Variants in CALN1 observed in about 807,000 individuals in gnomAD.
CALN1 encodes the protein calcium-binding protein 8.
Under a neutral mutation model 30.6 loss-of-function variants are expected in CALN1, and 17 were observed. The ratio of observed to expected loss-of-function variants is 0.56; its 90% CI spans 0.38 to 0.83. The LOEUF (loss-of-function observed/expected upper bound fraction) is 0.83, where lower values mean the gene tolerates loss of function less well. Ranked by LOEUF, CALN1 falls within the 40% of genes least tolerant of loss-of-function variation. The pLI is 0.00. For synonymous variants in CALN1, 156 were observed against 131.4 expected (o/e 1.19, Z -1.28); for missense variants, 291 against 354.9 (o/e 0.82, Z 1.45).
chr7:72,292,354 C>G (rs1197187711), intron 2 of CALN1, among the ~76,000 whole-genome samples: 1 of 151,436 alleles, frequency 6.6e-6, no homozygotes, highest in African/African-American at 2.4e-5. Context: ...GCTCTGGTCT[C>G]TTTGTCCCCT....
intron 3 of CALN1, among the ~76,000 whole-genome samples, chr7:72,114,753 G>A (rs1807845461): frequency 6.6e-6 from 1 of 152,124 alleles, no homozygotes; most frequent in South Asian, 2.1e-4. Context: ...CCACACTTTG[G>A]GAAGCCGAGG....
the CALN1 span, among the ~76,000 whole-genome samples, chr7:72,453,348 C>G: frequency 6.6e-6 from 1 of 152,198 alleles, no homozygotes; most frequent in African/African-American, 2.4e-5. Context: ...CATATTTATA[C>G]GCACTTTTAA....
chr7:72,268,561 T>C (rs924206118), intron 3 of CALN1, among the ~76,000 whole-genome samples: 1 of 152,104 alleles, frequency 6.6e-6, no homozygotes, highest in African/African-American at 2.4e-5. Flanking sequence ...ATCCCAACAC[T>C]TTGGGAGGAT....
intron 5 of CALN1, among the ~76,000 whole-genome samples, chr7:71,905,000 G>C (rs554332638): frequency 2.6e-5 from 4 of 152,012 alleles, no homozygotes; most frequent in African/African-American, 9.7e-5. Flanking sequence ...GTGCAGTGGC[G>C]TGATCTCAGC....
chr7:71,971,674 G>T (rs943709212), intron 5 of CALN1, among the ~76,000 whole-genome samples: 2 of 151,402 alleles, frequency 1.3e-5, no homozygotes, highest in Non-Finnish European at 2.9e-5. Flanking sequence ...AACGCAGGGG[G>T]ATCACTTGAG....
At chr7:72,122,391 C>T (rs928258460) in intron 3 of CALN1, among the ~76,000 whole-genome samples, 1 of 152,094 alleles carries the variant, frequency 6.6e-6, no homozygotes, top group Non-Finnish European at 1.5e-5. Flanking sequence ...GAGCAACTCT[C>T]TCAGGCATGG....
At chr7:71,981,919 C>G (rs1798418858) in intron 5 of CALN1, among the ~76,000 whole-genome samples, 1 of 152,142 alleles carries the variant, frequency 6.6e-6, no homozygotes, top group South Asian at 2.1e-4. Context: ...AGGAAAAACA[C>G]AGCTGAAGAG....
intron 5 of CALN1, among the ~76,000 whole-genome samples, chr7:72,005,712 A>AT (rs1368156602): frequency 6.6e-6 from 1 of 151,864 alleles, no homozygotes; most frequent in African/African-American, 2.4e-5. Context: ...CCAAAATTAC[A>AT]TAGTATGTGA....
chr7:72,294,753 T>TAAATAAAC (rs1364949514), intron 2 of CALN1, among the ~76,000 whole-genome samples: 1 of 79,872 alleles, frequency 1.3e-5, no homozygotes, highest in East Asian at 2.0e-4. Context: ...AAAAAAGTAA[T>TAAATAAAC]AAATAAATAA....
At chr7:72,022,582 C>T (rs185147937) in intron 5 of CALN1, among the ~76,000 whole-genome samples, 20 of 152,068 alleles carry the variant, frequency 1.3e-4, no homozygotes, top group Admixed American at 4.6e-4. Context: ...TTTGCAGAGA[C>T]GGGATCTCGC....
chr7:72,127,920 A>C (rs1808879356), intron 3 of CALN1, among the ~76,000 whole-genome samples: 1 of 152,190 alleles, frequency 6.6e-6, no homozygotes. Flanking sequence ...AGACTGATGT[A>C]TTTTATAAAT....
At chr7:71,956,513 G>A (rs1175809077) in intron 5 of CALN1, among the ~76,000 whole-genome samples, 1 of 145,884 alleles carries the variant, frequency 6.9e-6, no homozygotes, top group East Asian at 2.0e-4. Flanking sequence ...TTTAAACAGA[G>A]GGAGGGTGTC....
chr7:72,476,939 C>T, the CALN1 span, among the ~76,000 whole-genome samples: 2 of 152,216 alleles, frequency 1.3e-5, no homozygotes, highest in South Asian at 2.1e-4. Context: ...CGCCAGGCGC[C>T]GTGGCTCACG....
chr7:72,266,310 A>G (rs1796592950), intron 3 of CALN1, among the ~76,000 whole-genome samples: 1 of 152,216 alleles, frequency 6.6e-6, no homozygotes, highest in South Asian at 2.1e-4. Flanking sequence ...GTTGAAAGCC[A>G]CCAATGTGTC....
chr7:72,354,481 AG>A (rs1312863654), intron 2 of CALN1, among the ~76,000 whole-genome samples: 5 of 152,222 alleles, frequency 3.3e-5, no homozygotes, highest in African/African-American at 1.2e-4. Flanking sequence ...CAAAGGACAT[AG>A]AATAGCCAAA....
At chr7:71,949,617 T>C (rs1340352297) in intron 5 of CALN1, among the ~76,000 whole-genome samples, 1 of 151,784 alleles carries the variant, frequency 6.6e-6, no homozygotes, top group Admixed American at 6.6e-5. Flanking sequence ...TGACCTCAAG[T>C]GATTCACCCA....
At chr7:71,850,220 G>T (rs375199431) in intron 5 of CALN1, among the ~76,000 whole-genome samples, 1 of 152,076 alleles carries the variant, frequency 6.6e-6, no homozygotes, top group Non-Finnish European at 1.5e-5. Context: ...TGTTTTTGTT[G>T]TTGTTTTTTC....
intron 2 of CALN1, among the ~76,000 whole-genome samples, chr7:72,326,960 AC>A (rs1178246738): frequency 6.6e-6 from 1 of 152,216 alleles, no homozygotes; most frequent in African/African-American, 2.4e-5. Context: ...TCTTCTAAAC[AC>A]ATATTCATTC....
intron 5 of CALN1, among the ~76,000 whole-genome samples, chr7:71,888,864 T>C (rs769715488): frequency 2.6e-4 from 39 of 152,158 alleles, no homozygotes; most frequent in Non-Finnish European, 4.9e-4. Context: ...GGAGACACCA[T>C]GATGCCACTG....
Sources: allele counts gnomAD v4.1 joint callset (sites outside exome capture counted in the v4.1 genomes callset), GRCh38; gene constraint gnomAD v4.1.1; transcripts MANE v1.5; gene names NCBI Gene and HGNC (gene_info 2026-07-23, HGNC 2026-07-21).